The following ERF variants were observed in gnomAD, a reference collection of about 807,000 sequenced individuals.
ERF encodes the protein ETS domain-containing transcription factor ERF.
ERF carries 10 observed loss-of-function variants against 41.6 expected under a neutral mutation model. The observed-to-expected ratio is 0.24, with a 90% CI of 0.15 to 0.41. The LOEUF (loss-of-function observed/expected upper bound fraction) is 0.41. Ranked by LOEUF, ERF falls within the 10% of genes least tolerant of loss-of-function variation. ERF has a pLI of 1.00. For missense variants in ERF, 621 were observed against 763.2 expected, an observed-to-expected ratio of 0.81 and a Z score of 2.19; for synonymous variants, 395 against 342.4, an observed-to-expected ratio of 1.15 and a Z score of -1.70.
chr19:42,250,022 G>A lies in ERF; in HGVS notation c.258-80C>T, dbSNP rs2036417967. On this transcript the variant is annotated intron_variant, in intron 2 of 3. Transcript: ENST00000222329. The surrounding 1 kb of genome is among the most constrained non-coding windows in gnomAD (Gnocchi z 5.1). ...ACTCCACACCTTAACACGCACTTAGGTGTGGTTCCCAAAGGCCAACTGAGG... is the reference window on the plus strand; with the variant it reads ...ACTCCACACCTTAACACGCACTTAGATGTGGTTCCCAAAGGCCAACTGAGG... 5.8e-6 allele frequency: 8 copies of A among 1,373,850 alleles called. No homozygotes were observed. Among genetic ancestry groups the A allele is most frequent in the East Asian group, 2.3e-5 (1 of 43,624 alleles). The allele number at this position is 1,373,850 out of a possible 1,614,324, so 85.1% of individuals were successfully genotyped here.
intron 1 of ERF, chr19:42,253,791 GGGAAT>G (rs1270925712): frequency 1.1e-4 from 85 of 806,520 alleles, no homozygotes; most frequent in Admixed American, 3.7e-4. Flanking sequence ...GGAATGGGGT[GGGAAT>G]GGGGTGGGGA....
chr19:42,251,966 G>A (rs1464921204), intron 1 of ERF, among the ~76,000 whole-genome samples: 1 of 152,020 alleles, frequency 6.6e-6, no homozygotes, highest in East Asian at 1.9e-4. Context: ...CCAGGGATAT[G>A]ACCTCCAGCT....
chr19:42,254,987 C>A lies in ERF; in HGVS notation c.13G>T (p.Ala5Ser). 6.8e-7 allele frequency: 1 copy of A among 1,473,542 alleles called. No homozygotes were observed. The highest frequency in any genetic ancestry group is 2.7e-5 in the East Asian group (1 of 36,800). 91.3% of individuals were successfully genotyped at this position (1,473,542 alleles called of 1,614,324 possible). A position where few individuals can be genotyped will look rare whatever the true frequency, so the allele number is the denominator to read the frequency against. The change falls in exon 1 of 4, where the codon GCG becomes TCG. Residue 5 changes from alanine (A) to serine (S), a missense_variant. By Grantham distance (99) the Ala-to-Ser change is moderately conservative. Around this residue, in one of 3 missense-constraint regions of ERF, gnomAD observed 34 missense variants for 56.8 expected, o/e 0.60. Transcript: ENST00000222329. ...CTGCCCCCGCCCCCACCTGTGTCCGCCGGGGTCTTCATGCTGGGGGGCCCG... is the reference window on the plus strand; with the variant it reads ...CTGCCCCCGCCCCCACCTGTGTCCGACGGGGTCTTCATGCTGGGGGGCCCG... MKTPADTGFAFPDWA... is the reference protein window; with the variant it reads MKTPSDTGFAFPDWA...
chr19:42,249,414 C>G lies in ERF; in HGVS notation c.698G>C (p.Arg233Pro), dbSNP rs754586626. The change falls in exon 4 of 4, where the codon CGA becomes CCA. Residue 233 changes from arginine (R) to proline (P), a missense_variant. Coordinates refer to ENST00000222329, the MANE Select transcript of ERF (RefSeq NM_006494.4). This position sits in a 1 kb window ranked among gnomAD's most constrained non-coding sequence, Gnocchi z 8.6. The part of the protein sequence containing the change: ...ARLPHDPGVF[R>P]VYPRPRGGPE... ...GCCACCCCGAGGCCGGGGATAGACT[C>G]GGAAGACACCAGGGTCATGGGGCAG... The G allele has an allele frequency of 6.3e-7, 1 of 1,584,042 alleles. No individual in the cohort carries two copies. Among genetic ancestry groups the G allele is most frequent in the Non-Finnish European group, 8.6e-7 (1 of 1,165,594 alleles).
intron 1 of ERF, 144 bp downstream of exon 1, chr19:42,254,834 A>C: frequency 1.1e-6 from 1 of 951,262 alleles, no homozygotes; most frequent in East Asian, 3.4e-5. Context: ...CGCCACGAGA[A>C]GCAACAGGTC....
In ERF at chr19:42,250,988, G is replaced by A. The variant is rs1162509838; in HGVS notation, c.23-423C>T. ...GCCAGTTGCACCACCCCAGCTCCTC[G>A]GATGTCCTCCTTAGAAACATGCACT... On this transcript the variant is annotated intron_variant, in intron 1 of 3. Coordinates refer to ENST00000222329, the MANE Select transcript of ERF (RefSeq NM_006494.4). This position sits in a 1 kb window ranked among gnomAD's most constrained non-coding sequence, Gnocchi z 5.1. 6.6e-6 allele frequency among the ~76,000 whole-genome samples: 1 copy of A among 152,046 alleles called. No individual in the cohort carries two copies. Among genetic ancestry groups the A allele is most frequent in the East Asian group, 1.9e-4 (1 of 5,190 alleles).
chr19:42,253,884 G>A, intron 1 of ERF: 3 of 1,083,308 alleles, frequency 2.8e-6, no homozygotes, highest in East Asian at 1.0e-4. Flanking sequence ...CGCCGCCGCC[G>A]CCGGGGGAAG....
At position 42,250,319 on chromosome 19, in the gene ERF, G is replaced by A. The variant is rs1196667306; in HGVS notation, c.257+12C>T. 5.0e-6 allele frequency: 8 copies of A among 1,612,756 alleles called. No homozygotes were observed. The East Asian group carries it at 1.6e-4, about 31-fold the overall frequency. ...CTCCACATGTGCTCAGGGGTCCCCA[G>A]CCCGTCCTCACCGCAGGGCCCGGCT... On this transcript the variant is annotated intron_variant, in intron 2 of 3. Transcript: ENST00000222329. This position sits in a 1 kb window ranked among gnomAD's most constrained non-coding sequence, Gnocchi z 5.1.
chr19:42,254,673 A>C, intron 1 of ERF: 6 of 253,212 alleles, frequency 2.4e-5, no homozygotes, highest in Non-Finnish European at 4.5e-5. Flanking sequence ...ACAAGAGCGG[A>C]GGGGAAGGAC....
chr19:42,254,621 C>G (rs1470369472), intron 1 of ERF: 1 of 221,466 alleles, frequency 4.5e-6, no homozygotes. Flanking sequence ...GTGGACGAGC[C>G]CCCCCGCCCC....
At chr19:42,252,044 A>G (rs2036453307) in intron 1 of ERF, among the ~76,000 whole-genome samples, 1 of 152,146 alleles carries the variant, frequency 6.6e-6, no homozygotes, top group South Asian at 2.1e-4. Context: ...CCCCTTCCAG[A>G]GACCCCAGAG....
At position 42,248,727 on chromosome 19, in the gene ERF, G is replaced by A. The variant is rs2036378302; in HGVS notation, c.1385C>T (p.Ala462Val). 1.9e-6 allele frequency: 3 copies of A among 1,613,656 alleles called. No individual in the cohort carries two copies. The highest frequency in any genetic ancestry group is 1.7e-6 in the Non-Finnish European group (2 of 1,179,952). ...CTCGCCGGGCTCAGGCTTAGGGGGT[G>A]CAGGTGGGGCACGGGGCGTCTTGAA... Reference protein sequence around the residue: ...EVFKTPRAPPAPPKPEPGEAP... With the variant: ...EVFKTPRAPPVPPKPEPGEAP... The change falls in exon 4 of 4, where the codon GCA (alanine) becomes GTA (valine). Residue 462 changes from alanine to valine, a missense_variant. Transcript: ENST00000222329. This position sits in a 1 kb window ranked among gnomAD's most constrained non-coding sequence, Gnocchi z 4.2.
In ERF at chr19:42,250,553, G is replaced by C; in HGVS notation, c.35C>G (p.Pro12Arg). ...KTPADTGFAFPDWAYKPESSP... is the reference protein window; with the variant it reads ...KTPADTGFAFRDWAYKPESSP... ...CGACTCTGGCTTGTAGGCCCAATCC[G>C]GGAAGGCAAACCCTGGGGACGGGAG... The change falls in exon 2 of 4, where the codon CCG (proline) becomes CGG (arginine). Residue 12 changes from proline (P) to arginine (R), a missense_variant. Transcript: ENST00000222329. This position sits in a 1 kb window ranked among gnomAD's most constrained non-coding sequence, Gnocchi z 5.1. The C allele has an allele frequency of 6.2e-7, 1 of 1,613,324 alleles. No homozygotes were observed. Among genetic ancestry groups the C allele is most frequent in the Non-Finnish European group, 8.5e-7 (1 of 1,179,962 alleles).
chr19:42,251,703 G>A (rs564831604), intron 1 of ERF, among the ~76,000 whole-genome samples: 1 of 152,142 alleles, frequency 6.6e-6, no homozygotes, highest in African/African-American at 2.4e-5. Context: ...AGCTCAAACA[G>A]GTACCAACAA....
chr19:42,252,486 G>A (rs1413423980), intron 1 of ERF, among the ~76,000 whole-genome samples: 3 of 152,148 alleles, frequency 2.0e-5, no homozygotes, highest in Non-Finnish European at 2.9e-5. Flanking sequence ...GGGAGTGAGA[G>A]AGACTACATG....
intron 1 of ERF, among the ~76,000 whole-genome samples, chr19:42,252,566 G>T (rs1177760863): frequency 6.6e-6 from 1 of 152,216 alleles, no homozygotes; most frequent in Non-Finnish European, 1.5e-5. Flanking sequence ...TCTGGGAGCT[G>T]TCCCAGGCCC....
rs756612749 is a variant in ERF at position 42,248,468 on chromosome 19, G to A, written c.1644C>T (p.Ser548=). ...TAQLSLEHRD[S] is the part of the protein sequence containing the mutation. ...ACAGGTCCCCTGCCCACAGCCCTCA[G>A]GAGTCTCGGTGCTCCAGGGAGAGCT... Residue 548 remains serine (S), a synonymous_variant, in exon 4 of 4, where the codon TCC becomes TCT. Transcript: ENST00000222329. This position sits in a 1 kb window ranked among gnomAD's most constrained non-coding sequence, Gnocchi z 4.2. The A allele has an allele frequency of 6.7e-7, 1 of 1,499,466 alleles. No homozygotes were observed. The highest frequency in any genetic ancestry group is 8.9e-7 in the Non-Finnish European group (1 of 1,125,568). 92.9% of individuals were successfully genotyped at this position (1,499,466 alleles called of 1,614,324 possible). A position where few individuals can be genotyped will look rare whatever the true frequency, so the allele number is the denominator to read the frequency against.
rs753578618 is a variant in ERF at position 42,250,510 on chromosome 19, C to T, written c.78G>A (p.Gln26=). 6.2e-7 allele frequency: 1 copy of T among 1,613,688 alleles called. No individual in the cohort carries two copies. The highest frequency in any genetic ancestry group is 8.5e-7 in the Non-Finnish European group (1 of 1,180,034). Residue 26 remains glutamine, a synonymous_variant, in exon 2 of 4, where the codon CAG becomes CAA. Coordinates refer to ENST00000222329, the MANE Select transcript of ERF (RefSeq NM_006494.4). This position sits in a 1 kb window ranked among gnomAD's most constrained non-coding sequence, Gnocchi z 5.1. ...YKPESSPGSR[Q]IQLWHFILEL... Reference sequence around the variant, plus strand: ...CCAGGATAAAGTGCCACAGCTGGATCTGCCTTGAGCCAGGGGACGACTCTG... The same window carrying T: ...CCAGGATAAAGTGCCACAGCTGGATTTGCCTTGAGCCAGGGGACGACTCTG...
chr19:42,251,333 C>A (rs927160765), intron 1 of ERF: 105 of 985,966 alleles, frequency 1.1e-4, no homozygotes, highest in Non-Finnish European at 1.2e-4. Flanking sequence ...CCCACTTCTG[C>A]CTTCTCATCT....
Sources: gnomAD v4.1 joint callset for allele counts (sites outside exome capture counted in the v4.1 genomes callset) on GRCh38, gnomAD v4.1.1 for gene constraint, gnomAD v4.1.1 regional missense constraint, Gnocchi (gnomAD v3.1) non-coding constraint, MANE v1.5 for transcripts, NCBI Gene and HGNC (gene_info 2026-07-23, HGNC 2026-07-21) for gene names.